Variants in CAMSAP2 observed in about 807,000 individuals in gnomAD.
CAMSAP2 encodes calmodulin-regulated spectrin-associated protein 2.
CAMSAP2 carries 26 observed loss-of-function variants against 146.1 expected under a neutral mutation model. The observed-to-expected ratio is 0.18, with a 90% CI of 0.13 to 0.25. The LOEUF is 0.25. Among genes scored for constraint, CAMSAP2 ranks in the 10% least tolerant of loss-of-function variants. CAMSAP2 has a pLI of 1.00. For missense variants in CAMSAP2, 1,381 were observed against 1,759.3 expected (o/e 0.78, Z 3.85); for synonymous variants, 499 against 596.6 (o/e 0.84, Z 2.38).
intron 7 of CAMSAP2, among the ~76,000 whole-genome samples, chr1:200,844,099 C>T (rs1326336941): frequency 1.3e-5 from 2 of 151,970 alleles, no homozygotes; most frequent in African/African-American, 4.8e-5. Flanking sequence ...TCTCAATCTC[C>T]TGACCTCGTG....
intron 2 of CAMSAP2, among the ~76,000 whole-genome samples, chr1:200,767,373 A>G (rs1453274197): frequency 1.3e-5 from 2 of 151,998 alleles, no homozygotes; most frequent in South Asian, 2.1e-4. Context: ...AAAAAAAAAA[A>G]AAAAGAATAT....
At chr1:200,775,714 G>A (rs912563680) in intron 2 of CAMSAP2, among the ~76,000 whole-genome samples, 12 of 152,014 alleles carry the variant, frequency 7.9e-5, no homozygotes, top group Non-Finnish European at 1.8e-4. Flanking sequence ...ATTTTTAGTA[G>A]AGATGAGGTT....
intron 2 of CAMSAP2, among the ~76,000 whole-genome samples, chr1:200,771,635 C>CT (rs1665121375): frequency 6.6e-6 from 1 of 152,108 alleles, no homozygotes; most frequent in African/African-American, 2.4e-5. Context: ...ATGCCTCTCA[C>CT]TTTGCTTTTG....
At chr1:200,740,945 A>G (rs577455270) in intron 1 of CAMSAP2, among the ~76,000 whole-genome samples, 1 of 152,324 alleles carries the variant, frequency 6.6e-6, no homozygotes, top group South Asian at 2.1e-4. Context: ...GTTTAGATAT[A>G]TGAAATATTT....
chr1:200,773,722 A>G (rs978308035), intron 2 of CAMSAP2, among the ~76,000 whole-genome samples: 11 of 151,970 alleles, frequency 7.2e-5, no homozygotes, highest in African/African-American at 1.9e-4. Flanking sequence ...AGACACACAC[A>G]TATAAATAAT....
chr1:200,801,764 C>A (rs1006035224), intron 2 of CAMSAP2, among the ~76,000 whole-genome samples: 1 of 152,180 alleles, frequency 6.6e-6, no homozygotes, highest in Non-Finnish European at 1.5e-5. Flanking sequence ...AGATGAGTTA[C>A]CTATAAGCTA....
intron 7 of CAMSAP2, among the ~76,000 whole-genome samples, chr1:200,842,625 A>AAGCAAAATTTCACAT (rs1667352903): frequency 6.6e-6 from 1 of 152,180 alleles, no homozygotes; most frequent in Non-Finnish European, 1.5e-5. Context: ...ATTTTCTGTA[A>AAGCAAAATTTCACAT]AGCAAAATTT....
Position 200,858,066 on chromosome 1 carries a change from G to C in CAMSAP2, c.*7G>C. On this transcript the variant is annotated 3_prime_UTR_variant, in exon 17 of 17. Transcript: ENST00000358823. ...TTTACCCACTAAGGCATAGAAGTTG[G>C]GAAATACTTGCTTCAGAACATTCAT... 6.5e-7 allele frequency: 1 copy of C among 1,545,868 alleles called. No homozygotes were observed. Among genetic ancestry groups the C allele is most frequent in the South Asian group, 1.3e-5 (1 of 78,424 alleles).
intron 4 of CAMSAP2, among the ~76,000 whole-genome samples, chr1:200,820,547 C>A (rs1208756060): frequency 6.6e-6 from 1 of 152,096 alleles, no homozygotes; most frequent in Non-Finnish European, 1.5e-5. Flanking sequence ...TACACTTTCC[C>A]CCTGTGAGAG....
rs755665820 is a variant in CAMSAP2, at chr1:200,767,361, C to CA, written c.399+6279dup. On this transcript the variant is annotated intron_variant, in intron 2 of 16. Coordinates refer to ENST00000358823, the MANE Select transcript of CAMSAP2 (RefSeq NM_203459.4). ...TGGGCAACAGAGTGAGACTCCATCT[C>CA]AAAAAAAAAAAAAAAAGAATATGCT... Among the ~76,000 whole-genome samples the CA allele has an allele frequency of 4.4e-3, 320 of 72,744 alleles. 2 individuals are homozygous for CA. The highest frequency in any genetic ancestry group is 7.8e-3 in the South Asian group (18 of 2,300). 47.7% of individuals were successfully genotyped at this position (72,744 alleles called of 152,430 possible). A position where few individuals can be genotyped will look rare whatever the true frequency, so the allele number is the denominator to read the frequency against.
At chr1:200,846,297 G>A (rs2102245209) in intron 8 of CAMSAP2, among the ~76,000 whole-genome samples, 1 of 152,236 alleles carries the variant, frequency 6.6e-6, no homozygotes, top group African/African-American at 2.4e-5. Context: ...TCAAAGTGGA[G>A]GAAAGTAAAG....
intron 4 of CAMSAP2, among the ~76,000 whole-genome samples, chr1:200,821,475 G>A (rs1423284121): frequency 6.6e-6 from 1 of 152,058 alleles, no homozygotes; most frequent in East Asian, 1.9e-4. Flanking sequence ...TGGCCAATGT[G>A]TAGTCTTCTG....
In CAMSAP2 at chr1:200,848,690, G is replaced by A. The variant is rs781059708; in HGVS notation, c.1921G>A (p.Asp641Asn). Residue 641 changes from aspartate (D) to asparagine (N), a missense_variant, in exon 11 of 17, where the codon GAT becomes AAT. By Grantham distance (23) the Asp-to-Asn change is conservative. This residue lies in a region of CAMSAP2 where 447 missense variants were observed against 462.2 expected (regional missense o/e 0.97). Transcript: ENST00000358823. The part of the protein sequence containing the change: ...DYTVSLDSDM[D>N]DASKFLQDYD... ...TACTGTAAGCTTGGACTCTGACATG[G>A]ATGATGCATCTAAATTTCTTCAGGA... is the stretch of plus-strand genomic sequence containing the variant. The A allele has an allele frequency of 1.9e-6, 3 of 1,614,044 alleles. No individual in the cohort carries two copies. Among genetic ancestry groups the A allele is most frequent in the Non-Finnish European group, 2.5e-6 (3 of 1,179,950 alleles).
intron 2 of CAMSAP2, among the ~76,000 whole-genome samples, chr1:200,787,876 CTG>C (rs1348817991): frequency 1.3e-5 from 2 of 152,198 alleles, no homozygotes; most frequent in African/African-American, 4.8e-5. Context: ...ATCAAAAATA[CTG>C]TGTTTCATTG....
At position 200,847,271 on chromosome 1, in the gene CAMSAP2, C is replaced by G. The variant is rs1667482084; in HGVS notation, c.1171C>G (p.Gln391Glu). Reference protein sequence around the residue: ...HHLPSRYSRPQAHSSASGGIR... With the variant: ...HHLPSRYSRPEAHSSASGGIR... ...TTTGCCTTCTAGGTATTCACGTCCC[C>G]AGGCTCATTCTTCAGCCTCAGGTAA... The change falls in exon 9 of 17, where the codon CAG (glutamine) becomes GAG (glutamate). Residue 391 changes from glutamine (Q) to glutamate (E), a missense_variant. Around this residue, in one of 4 missense-constraint regions of CAMSAP2, gnomAD observed 447 missense variants for 462.2 expected, o/e 0.97. Transcript: ENST00000358823. 1.2e-6 allele frequency: 2 copies of G among 1,611,610 alleles called. No individual in the cohort carries two copies. The highest frequency in any genetic ancestry group is 1.7e-6 in the Non-Finnish European group (2 of 1,178,620).
chr1:200,757,005 A>G (rs1287123403), intron 1 of CAMSAP2, among the ~76,000 whole-genome samples: 2 of 152,140 alleles, frequency 1.3e-5, no homozygotes, highest in Admixed American at 6.5e-5. Context: ...TACTGGTACT[A>G]TGAAGTTTTA....
At chr1:200,763,412 G>C (rs920038546) in intron 2 of CAMSAP2, among the ~76,000 whole-genome samples, 4 of 151,914 alleles carry the variant, frequency 2.6e-5, no homozygotes, top group East Asian at 3.9e-4. Context: ...GGTAGTGCGC[G>C]CCTGTAGTCC....
intron 2 of CAMSAP2, among the ~76,000 whole-genome samples, chr1:200,791,006 G>A (rs1665736866): frequency 6.6e-6 from 1 of 152,002 alleles, no homozygotes; most frequent in Non-Finnish European, 1.5e-5. Context: ...CACCATGCCT[G>A]GCTAATTTTT....
At chr1:200,769,644 T>C (rs1665059348) in intron 2 of CAMSAP2, among the ~76,000 whole-genome samples, 1 of 152,214 alleles carries the variant, frequency 6.6e-6, no homozygotes, top group Non-Finnish European at 1.5e-5. Context: ...AGGGAAACTC[T>C]TACTTACATT....
Sources: gnomAD v4.1 joint callset for allele counts (sites outside exome capture counted in the v4.1 genomes callset) on GRCh38, gnomAD v4.1.1 for gene constraint, gnomAD v4.1.1 regional missense constraint, MANE v1.5 for transcripts, NCBI Gene and HGNC (gene_info 2026-07-23, HGNC 2026-07-21) for gene names.